VGLL4: variants seen among roughly 807,000 people sequenced by gnomAD.
The protein encoded by VGLL4 is transcription cofactor vestigial-like protein 4.
In VGLL4, 7 loss-of-function variants were observed where a neutral mutation model predicts 21.0. The observed-to-expected ratio is 0.33, with a 90% confidence interval of 0.19 to 0.63. The LOEUF (loss-of-function observed/expected upper bound fraction) is 0.63. Among genes scored for constraint, VGLL4 ranks in the 20% least tolerant of loss-of-function variants. The pLI is 0.78. For missense variants in VGLL4, 394 were observed against 425.7 expected, an observed-to-expected ratio of 0.93 and a Z score of 0.66; for synonymous variants, 222 against 173.2, an observed-to-expected ratio of 1.28 and a Z score of -2.21.
At chr3:11,575,872 T>A (rs1050654008) in intron 2 of VGLL4, among the ~76,000 whole-genome samples, 10 of 152,328 alleles carry the variant, frequency 6.6e-5, no homozygotes, top group African/African-American at 1.7e-4. Context: ...TGGCAATGTG[T>A]GCAGGCTTTC....
At chr3:11,684,438 T>C (rs1039072412) in intron 2 of VGLL4, among the ~76,000 whole-genome samples, 4 of 152,106 alleles carry the variant, frequency 2.6e-5, no homozygotes, top group Non-Finnish European at 5.9e-5. Flanking sequence ...TGGAATGCAA[T>C]GGCATGATCA....
Position 11,564,985 on chromosome 3 carries a change from G to A in VGLL4, c.307C>T (p.Pro103Ser). Residue 103 changes from proline to serine, a missense_variant, in exon 3 of 5, where the codon CCC becomes TCC. By Grantham distance (74) the Pro-to-Ser change is moderately conservative. Transcript: ENST00000430365. ...KTANGDCRRD[P>S]RERSRSPIER... ...ATGGGGCTGCGGCTCCGCTCCCGGG[G>A]GTCTCTGCGGCAGTCTCCATTGGCA... 6.5e-7 allele frequency: 1 copy of A among 1,526,906 alleles called. No homozygotes were observed. The highest frequency in any genetic ancestry group is 1.3e-5 in the South Asian group (1 of 78,414). 94.6% of individuals were successfully genotyped at this position (1,526,906 alleles called of 1,614,324 possible). A position where few individuals can be genotyped will look rare whatever the true frequency, so the allele number is the denominator to read the frequency against.
chr3:11,683,236 A>C (rs2076401327), intron 2 of VGLL4, among the ~76,000 whole-genome samples: 1 of 152,056 alleles, frequency 6.6e-6, no homozygotes, highest in Non-Finnish European at 1.5e-5. Context: ...ATGAGATATG[A>C]CCTTACCCCA....
In VGLL4 at chr3:11,653,970, C is replaced by T. The variant is rs2075917773; in HGVS notation, c.64+49001G>A. ...GGCTCTCAACCAAGGAGATTCTGCC[C>T]TCCTCAGGAGACATCTGGCAATGTC... On this transcript the variant is annotated intron_variant, in intron 2 of 5. Coordinates refer to the VGLL4 transcript ENST00000273038. The surrounding 1 kb of genome is among the most constrained non-coding windows in gnomAD (Gnocchi z 4.2). 6.6e-6 allele frequency among the ~76,000 whole-genome samples: 1 copy of T among 152,090 alleles called. No homozygotes were observed. Among genetic ancestry groups the T allele is most frequent in the South Asian group, 2.1e-4 (1 of 4,818 alleles).
Position 11,556,122 on chromosome 3 carries a change from A to AGAT in VGLL4, c.*2431_*2433dup, listed in dbSNP as rs1036799104. 2 of 152,792 alleles carry AGAT rather than the reference A, an allele frequency of 1.3e-5. No individual in the cohort carries two copies. Among genetic ancestry groups the AGAT allele is most frequent in the Admixed American group, 6.5e-5 (1 of 15,288 alleles). 9.5% of individuals were successfully genotyped at this position (152,792 alleles called of 1,614,324 possible). Reference sequence around the variant, plus strand: ...TAAGGCTACTTTTAAGTACAAAAAAAGATGGCCTGCCAAACCTTTTTTTTT... The same window carrying AGAT: ...TAAGGCTACTTTTAAGTACAAAAAAAGATGATGGCCTGCCAAACCTTTTTTTTT... On this transcript the variant is annotated 3_prime_UTR_variant, in exon 5 of 5. Transcript: ENST00000430365.
At chr3:11,563,396 G>A (rs921822057) in intron 3 of VGLL4, among the ~76,000 whole-genome samples, 4 of 152,228 alleles carry the variant, frequency 2.6e-5, no homozygotes, top group African/African-American at 9.6e-5. Flanking sequence ...CCACCCCGGG[G>A]AGCAGTGAGC....
rs184469034 is a variant in VGLL4 at position 11,641,782 on chromosome 3, C to G, written c.82+1655G>C. Among the ~76,000 whole-genome samples, 17 of 152,228 alleles carry G rather than the reference C, an allele frequency of 1.1e-4. No individual in the cohort carries two copies. The East Asian group carries it at 3.3e-3, about 29-fold the overall frequency. On this transcript the variant is annotated intron_variant, in intron 1 of 4. Coordinates refer to ENST00000430365, the MANE Select transcript of VGLL4 (RefSeq NM_001128219.3). The stretch of plus-strand genomic sequence containing the variant: ...AGAGAGAAGAGCAGAGCAGAGCACT[C>G]TAGTTTCCTGGGTGTTGCATGCTAC...
Position 11,565,027 on chromosome 3 carries a change from A to G in VGLL4, c.273-8T>C. On this transcript the variant is annotated splice_polypyrimidine_tract_variant and splice_region_variant and intron_variant, in intron 2 of 4. Transcript: ENST00000430365. The surrounding 1 kb of genome is among the most constrained non-coding windows in gnomAD (Gnocchi z 4.1). ...CCATTGGCAGTCTTGTTCCTGAAAAAGAGGAATGGGCATTCAGGGGGCGTT... is the reference window on the plus strand; with the variant it reads ...CCATTGGCAGTCTTGTTCCTGAAAAGGAGGAATGGGCATTCAGGGGGCGTT... 1 of 1,474,588 alleles carries G rather than the reference A, an allele frequency of 6.8e-7. No homozygotes were observed. The allele number at this position is 1,474,588 out of a possible 1,614,324, so 91.3% of individuals were successfully genotyped here. A position where few individuals can be genotyped will look rare whatever the true frequency, so the allele number is the denominator to read the frequency against.
At chr3:11,670,894 A>G (rs1021473018) in intron 2 of VGLL4, among the ~76,000 whole-genome samples, 2 of 152,070 alleles carry the variant, frequency 1.3e-5, no homozygotes, top group African/African-American at 2.4e-5. Context: ...AAAATTAGCA[A>G]GGTGTGGTGG....
intron 2 of VGLL4, among the ~76,000 whole-genome samples, chr3:11,699,013 C>A (rs1287333229): frequency 6.6e-6 from 1 of 152,184 alleles, no homozygotes; most frequent in Non-Finnish European, 1.5e-5. Context: ...GAACATTTTT[C>A]TGTTTGTAAT....
rs757520878 is a variant in VGLL4 at position 11,558,164 on chromosome 3, C to T, written c.*392G>A. On this transcript the variant is annotated 3_prime_UTR_variant, in exon 5 of 5. Coordinates refer to ENST00000430365, the MANE Select transcript of VGLL4 (RefSeq NM_001128219.3). ...GCCGTGGAAGCTGAGCCACACACAC[C>T]CCGGTCTCAAGAAGCAAAGGAAAAA... The T allele has an allele frequency of 4.3e-5, 11 of 257,998 alleles. No homozygotes were observed. The highest frequency in any genetic ancestry group is 1.4e-3 in the Middle Eastern group (1 of 716). 16.0% of individuals were successfully genotyped at this position (257,998 alleles called of 1,614,324 possible). A position where few individuals can be genotyped will look rare whatever the true frequency, so the allele number is the denominator to read the frequency against.
chr3:11,705,105 G>A (rs2076739751), intron 1 of VGLL4, among the ~76,000 whole-genome samples: 1 of 152,210 alleles, frequency 6.6e-6, no homozygotes, highest in Non-Finnish European at 1.5e-5. Flanking sequence ...TGAGGGCTTC[G>A]ATGGGACCGC....
chr3:11,600,137 C>T (rs1445865692), intron 2 of VGLL4, among the ~76,000 whole-genome samples: 1 of 152,084 alleles, frequency 6.6e-6, no homozygotes, highest in African/African-American at 2.4e-5. Context: ...TATACCATGC[C>T]AAGCTCTTTG....
chr3:11,607,278 A>G (rs1328352364), intron 1 of VGLL4: 6 of 152,262 alleles, frequency 3.9e-5, no homozygotes, highest in South Asian at 2.1e-4. Context: ...GATTCATGCC[A>G]TGACACAGAT....
At chr3:11,642,300 G>A (rs976755310) in intron 1 of VGLL4, among the ~76,000 whole-genome samples, 2 of 152,206 alleles carry the variant, frequency 1.3e-5, no homozygotes, top group African/African-American at 2.4e-5. Flanking sequence ...CAACGTGAAT[G>A]AGGGTTGTTG....
intron 2 of VGLL4, among the ~76,000 whole-genome samples, chr3:11,593,260 G>A (rs2074544132): frequency 6.6e-6 from 1 of 152,144 alleles, no homozygotes; most frequent in East Asian, 1.9e-4. Flanking sequence ...GCCAAAGAGG[G>A]TATGATCATG....
chr3:11,596,224 G>A (rs1168288513), intron 2 of VGLL4, among the ~76,000 whole-genome samples: 1 of 151,874 alleles, frequency 6.6e-6, no homozygotes, highest in Non-Finnish European at 1.5e-5. Context: ...TTGAAAGGAT[G>A]GAAAAAGTCT....
chr3:11,609,707 C>T (rs1235917814), intron 1 of VGLL4, among the ~76,000 whole-genome samples: 1 of 152,218 alleles, frequency 6.6e-6, no homozygotes, highest in Non-Finnish European at 1.5e-5. Flanking sequence ...GGCCCCTCAC[C>T]AACTGTGCAG....
intron 2 of VGLL4, among the ~76,000 whole-genome samples, chr3:11,688,690 T>C (rs1559945601): frequency 6.6e-6 from 1 of 152,176 alleles, no homozygotes; most frequent in Non-Finnish European, 1.5e-5. Context: ...TTTTTGGTTG[T>C]ATTTTTTAGG....
Sources: gnomAD v4.1 joint callset for allele counts (sites outside exome capture counted in the v4.1 genomes callset) on GRCh38, gnomAD v4.1.1 for gene constraint, Gnocchi (gnomAD v3.1) non-coding constraint, MANE v1.5 for transcripts, NCBI Gene and HGNC (gene_info 2026-07-23, HGNC 2026-07-21) for gene names.